PSMD12: variants seen among roughly 807,000 people sequenced by gnomAD.
The protein encoded by PSMD12 is proteasome 26S subunit, non-ATPase 12.
In PSMD12, 8 loss-of-function variants were observed where a neutral mutation model predicts 62.9. The observed-to-expected ratio is 0.13, with a 90% CI of 0.07 to 0.23. The LOEUF (loss-of-function observed/expected upper bound fraction) is 0.23, where lower values mean the gene tolerates loss of function less well. Among genes scored for constraint, PSMD12 ranks in the 10% least tolerant of loss-of-function variants. PSMD12 has a pLI of 1.00. For synonymous variants in PSMD12, 173 were observed against 187.4 expected, an observed-to-expected ratio of 0.92 and a Z score of 0.63; for missense variants, 424 against 550.2, an observed-to-expected ratio of 0.77 and a Z score of 2.29.
At chr17:67,351,565 GT>G (rs1202431636) in intron 3 of PSMD12, among the ~76,000 whole-genome samples, 1 of 151,938 alleles carries the variant, frequency 6.6e-6, no homozygotes, top group East Asian at 1.9e-4. Flanking sequence ...CAGGCTAAAT[GT>G]TTTTGTTGTG....
chr17:67,363,215 G>C (rs909926866), intron 1 of PSMD12, among the ~76,000 whole-genome samples: 12 of 152,008 alleles, frequency 7.9e-5, no homozygotes, highest in Non-Finnish European at 1.5e-4. Context: ...GCAGTGATGC[G>C]ATCATAGCTC....
In PSMD12 at chr17:67,340,809, C is replaced by T. The variant is rs1450755460; in HGVS notation, c.*34G>A. 3 of 1,482,826 alleles carry T rather than the reference C, an allele frequency of 2.0e-6. No individual in the cohort carries two copies. Among genetic ancestry groups the T allele is most frequent in the Admixed American group, 2.6e-5 (1 of 39,054 alleles). 91.9% of individuals were successfully genotyped at this position (1,482,826 alleles called of 1,614,324 possible). On this transcript the variant is annotated 3_prime_UTR_variant, in exon 11 of 11. Transcript: ENST00000356126. The stretch of plus-strand genomic sequence containing the variant: ...TATAACAGTCTTTTTTTAATGACTT[C>T]CAATTTTAACTTTTTTCTAAAGCAC...
intron 3 of PSMD12, among the ~76,000 whole-genome samples, chr17:67,351,861 G>A (rs927467978): frequency 1.3e-4 from 20 of 151,754 alleles, no homozygotes; most frequent in African/African-American, 4.4e-4. Context: ...GACTTTGGGA[G>A]GCTGAGGCCG....
In PSMD12 at chr17:67,340,776, T is replaced by C; in HGVS notation, c.*67A>G. ...AGCTTAGAAAAAAAACCCCAACATA[T>C]ACACCATTATAACAGTCTTTTTTTA... On this transcript the variant is annotated 3_prime_UTR_variant, in exon 11 of 11. Coordinates refer to ENST00000356126, the MANE Select transcript of PSMD12 (RefSeq NM_002816.5). 5.4e-6 allele frequency: 7 copies of C among 1,285,996 alleles called. No individual in the cohort carries two copies. Among genetic ancestry groups the C allele is most frequent in the African/African-American group, 1.6e-5 (1 of 63,518 alleles). 79.7% of individuals were successfully genotyped at this position (1,285,996 alleles called of 1,614,324 possible).
intron 4 of PSMD12, among the ~76,000 whole-genome samples, chr17:67,349,298 C>T (rs1013938508): frequency 2.6e-5 from 4 of 152,290 alleles, no homozygotes; most frequent in South Asian, 2.1e-4. Flanking sequence ...GGATTACAGG[C>T]GTGAGCCACT....
intron 3 of PSMD12, among the ~76,000 whole-genome samples, chr17:67,355,053 C>G (rs935420824): frequency 6.7e-6 from 1 of 149,420 alleles, no homozygotes; most frequent in African/African-American, 2.5e-5. Context: ...TAAATTAAAT[C>G]TATACTAATT....
At chr17:67,358,245 C>G (rs1255450887) in intron 1 of PSMD12, among the ~76,000 whole-genome samples, 31 of 152,002 alleles carry the variant, frequency 2.0e-4, no homozygotes, top group Admixed American at 2.0e-3. Context: ...ATCAGAGACT[C>G]TAAGTGGTAG....
At position 67,366,488 on chromosome 17, in the gene PSMD12, C is replaced by T. The variant is rs756476773; in HGVS notation, c.32G>A (p.Gly11Glu). Reference sequence around the variant, plus strand: ...GTCCACCTCCATCTTGACGATGCGCCCGTCAGCCCGCTCCGAGCCGCCGTC... The same window carrying T: ...GTCCACCTCCATCTTGACGATGCGCTCGTCAGCCCGCTCCGAGCCGCCGTC... MADGGSERAD[G>E]RIVKMEVDYS... The change falls in exon 1 of 11, where the codon GGG becomes GAG. Residue 11 changes from glycine (G) to glutamate (E), a missense_variant. Gly to Glu is a moderately conservative substitution (Grantham distance 98). Transcript: ENST00000356126. 1.9e-6 allele frequency: 3 copies of T among 1,609,932 alleles called. No individual in the cohort carries two copies. The highest frequency in any genetic ancestry group is 3.3e-5 in the Admixed American group (2 of 59,960).
At position 67,340,947 on chromosome 17, in the gene PSMD12, T is replaced by G. The variant is rs1324783322; in HGVS notation, c.1267A>C (p.Asn423His). 1 of 1,585,774 alleles carries G rather than the reference T, an allele frequency of 6.3e-7. No individual in the cohort carries two copies. Among genetic ancestry groups the G allele is most frequent in the Admixed American group, 1.9e-5 (1 of 51,892 alleles). ...TTCTGAGACCAGTCATTTAATAAATTATTTGGATCCTTGGGTCTCTGGAAG... is the reference window on the plus strand; with the variant it reads ...TTCTGAGACCAGTCATTTAATAAATGATTTGGATCCTTGGGTCTCTGGAAG... The part of the protein sequence containing the change: ...INFQRPKDPN[N>H]LLNDWSQKLN... The change falls in exon 11 of 11, where the codon AAT becomes CAT. Residue 423 changes from asparagine to histidine, a missense_variant. Asn to His is a moderately conservative substitution (Grantham distance 68). Coordinates refer to ENST00000356126, the MANE Select transcript of PSMD12 (RefSeq NM_002816.5).
chr17:67,347,149 G>C lies in PSMD12; in HGVS notation c.762C>G (p.Pro254=), dbSNP rs752098940. 11 of 1,612,048 alleles carry C rather than the reference G, an allele frequency of 6.8e-6. 1 individual carries two copies. In the South Asian group the frequency reaches 9.9e-5, roughly 15 times the overall value. ...CKHYRAIYDT[P]CIQAESEKWQ... ...ATTTTTCACTTTCTGCCTGTATACA[G>C]GGAGTATCATATATTGCTCTGTAGT... is the stretch of plus-strand genomic sequence containing the variant. The change falls in exon 7 of 11, where the codon CCC becomes CCG. Residue 254 remains proline (P), a synonymous_variant. Coordinates refer to ENST00000356126, the MANE Select transcript of PSMD12 (RefSeq NM_002816.5).
At chr17:67,363,382 T>A (rs1387066212) in intron 1 of PSMD12, among the ~76,000 whole-genome samples, 1 of 152,180 alleles carries the variant, frequency 6.6e-6, no homozygotes, top group African/African-American at 2.4e-5. Flanking sequence ...TGGCCTCAAG[T>A]GATCTTTCCA....
chr17:67,360,079 G>A (rs1056963569), intron 1 of PSMD12, among the ~76,000 whole-genome samples: 6 of 151,626 alleles, frequency 4.0e-5, no homozygotes, highest in Non-Finnish European at 8.8e-5. Flanking sequence ...AGAGTGCAGC[G>A]CTTCCCCTAC....
chr17:67,357,129 G>A, intron 3 of PSMD12, 174 bp downstream of exon 3: 1 of 665,100 alleles, frequency 1.5e-6, no homozygotes, highest in Non-Finnish European at 2.3e-6. Context: ...AAGACTAGAA[G>A]AAAAAACAGA....
At chr17:67,342,779 T>C (rs2041926993) in intron 9 of PSMD12, among the ~76,000 whole-genome samples, 1 of 151,730 alleles carries the variant, frequency 6.6e-6, no homozygotes, top group East Asian at 1.9e-4. Context: ...CCACAAAAAA[T>C]TTAAAAATTA....
chr17:67,362,419 A>T (rs1410874827), intron 1 of PSMD12, among the ~76,000 whole-genome samples: 2 of 152,208 alleles, frequency 1.3e-5, no homozygotes, highest in Non-Finnish European at 2.9e-5. Flanking sequence ...TCACGCCTGT[A>T]ATCCCAGCAT....
rs548561775 is a variant in PSMD12 at position 67,339,833 on chromosome 17, A to G, written c.*1010T>C. The G allele has an allele frequency of 6.6e-6, 1 of 152,210 alleles. No individual in the cohort carries two copies. Among genetic ancestry groups the G allele is most frequent in the African/African-American group, 2.4e-5 (1 of 41,552 alleles). The allele number at this position is 152,210 out of a possible 1,614,324, so 9.4% of individuals were successfully genotyped here. ...GTTTCTTTGACAGCAAGCTACTTTT[A>G]ATTCCGTGAAAATATTTTAATACTA... On this transcript the variant is annotated 3_prime_UTR_variant, in exon 11 of 11. Transcript: ENST00000356126.
At chr17:67,344,563 A>G (rs778451038) in intron 9 of PSMD12, 43 bp downstream of exon 9, 11 of 1,456,284 alleles carry the variant, frequency 7.6e-6, no homozygotes, top group Admixed American at 6.7e-5. Flanking sequence ...TAAATTCACT[A>G]AAGGTTAAAA....
At chr17:67,365,444 G>A (rs2042170326) in intron 1 of PSMD12, among the ~76,000 whole-genome samples, 1 of 152,160 alleles carries the variant, frequency 6.6e-6, no homozygotes, top group Non-Finnish European at 1.5e-5. Flanking sequence ...CTTAGTGCAT[G>A]TAAGCACGGT....
intron 9 of PSMD12, among the ~76,000 whole-genome samples, chr17:67,344,220 C>A (rs2041942246): frequency 6.6e-6 from 1 of 152,216 alleles, no homozygotes; most frequent in Non-Finnish European, 1.5e-5. Context: ...CTCCTGCCCC[C>A]ATTCTTCGGA....
Sources: gnomAD v4.1 joint callset for allele counts (sites outside exome capture counted in the v4.1 genomes callset) on GRCh38, gnomAD v4.1.1 for gene constraint, MANE v1.5 for transcripts, NCBI Gene and HGNC (gene_info 2026-07-23, HGNC 2026-07-21) for gene names.